The following PTPN9 variants were observed in gnomAD, a reference collection of about 807,000 sequenced individuals.
The protein encoded by PTPN9 is tyrosine-protein phosphatase non-receptor type 9.
A neutral mutation model predicts 69.8 loss-of-function variants in PTPN9; 26 were observed. That is an observed-to-expected ratio of 0.37 (90% CI 0.27 to 0.52). The LOEUF is 0.52. PTPN9 is among the 20% of genes least tolerant of loss of function. PTPN9 has a pLI of 0.91. For missense variants in PTPN9, 549 were observed against 740.3 expected, an observed-to-expected ratio of 0.74 and a Z score of 3.00; for synonymous variants, 274 against 272.5, an observed-to-expected ratio of 1.01 and a Z score of -0.05.
chr15:75,473,906 A>G, intron 9 of PTPN9, 139 bp from the exon 10 acceptor site: 1 of 663,622 alleles, frequency 1.5e-6, no homozygotes, highest in Non-Finnish European at 2.7e-6. Flanking sequence ...CATCCCTGCT[A>G]TTCAGTATAG....
At chr15:75,549,205 AT>A (rs924552604) in intron 1 of PTPN9, among the ~76,000 whole-genome samples, 7 of 151,098 alleles carry the variant, frequency 4.6e-5, no homozygotes, top group Non-Finnish European at 7.4e-5. Flanking sequence ...TTCCAATTTC[AT>A]TTTTTTTTCT....
chr15:75,556,211 C>T (rs2075076599), intron 1 of PTPN9, among the ~76,000 whole-genome samples: 1 of 147,672 alleles, frequency 6.8e-6, no homozygotes, highest in South Asian at 2.1e-4. Flanking sequence ...TTACAGGCGC[C>T]CACCACCACG....
At chr15:75,503,725 GAGTCA>G (rs2074791219) in intron 7 of PTPN9, among the ~76,000 whole-genome samples, 1 of 134,912 alleles carries the variant, frequency 7.4e-6, no homozygotes, top group Non-Finnish European at 1.6e-5. Flanking sequence ...GGAGGTGGGG[GAGTCA>G]GCCCCCAACC....
chr15:75,470,446 G>A (rs1206349191), intron 11 of PTPN9, among the ~76,000 whole-genome samples: 1 of 152,218 alleles, frequency 6.6e-6, no homozygotes, highest in African/African-American at 2.4e-5. Context: ...CTAAGCCATT[G>A]CACCCAGCCC....
At chr15:75,573,006 C>T (rs990665986) in intron 1 of PTPN9, among the ~76,000 whole-genome samples, 8 of 152,144 alleles carry the variant, frequency 5.3e-5, no homozygotes. Context: ...CAAAACCAAA[C>T]ACATATATCA....
chr15:75,547,941 C>T (rs534806500), intron 1 of PTPN9, among the ~76,000 whole-genome samples: 4 of 152,294 alleles, frequency 2.6e-5, no homozygotes, highest in African/African-American at 9.6e-5. Context: ...GCTGGGATTA[C>T]AGGTGTAAGC....
At chr15:75,532,611 T>C (rs1290448507) in intron 1 of PTPN9, among the ~76,000 whole-genome samples, 6 of 152,176 alleles carry the variant, frequency 3.9e-5, no homozygotes, top group Non-Finnish European at 7.4e-5. Context: ...GATGTTATTC[T>C]TGGCTTTAAG....
Position 75,508,974 on chromosome 15 carries a change from C to T in PTPN9, c.582G>A (p.Trp194Ter). 6.2e-7 allele frequency: 1 copy of T among 1,614,138 alleles called. No individual in the cohort carries two copies. Reference sequence around the variant, plus strand: ...TGATGATGGAATAGGGCACTCGGAACCATATGGGTGCCCCCACAATCAGCA... The same window carrying T: ...TGATGATGGAATAGGGCACTCGGAATCATATGGGTGCCCCCACAATCAGCA... ...KKVLIVGAPI[W>*]FRVPYSIISL... The change falls in exon 6 of 13, where the codon TGG becomes TGA. Residue 194 changes from tryptophan (W) to a stop codon, truncating the protein, a stop_gained. Transcript: ENST00000618819. LOFTEE classifies it high-confidence loss of function.
intron 1 of PTPN9, among the ~76,000 whole-genome samples, chr15:75,538,291 A>G (rs2074993868): frequency 6.6e-6 from 1 of 152,202 alleles, no homozygotes; most frequent in South Asian, 2.1e-4. Flanking sequence ...ATTTTTTTCT[A>G]TTAAAGATGA....
At chr15:75,503,264 T>A (rs956330884) in intron 7 of PTPN9, among the ~76,000 whole-genome samples, 4 of 141,372 alleles carry the variant, frequency 2.8e-5, no homozygotes, top group African/African-American at 1.1e-4. Context: ...TCGTCTGAGA[T>A]GTGGGGAGCG....
intron 5 of PTPN9, among the ~76,000 whole-genome samples, chr15:75,509,972 G>A (rs538396118): frequency 1.3e-3 from 191 of 152,126 alleles, no homozygotes; most frequent in African/African-American, 4.2e-3. Flanking sequence ...CGACAAGAGC[G>A]AAACTCCATC....
chr15:75,479,118 C>G (rs1014025350), intron 9 of PTPN9, among the ~76,000 whole-genome samples: 2 of 152,164 alleles, frequency 1.3e-5, no homozygotes, highest in African/African-American at 4.8e-5. Context: ...ACCAGCCTGT[C>G]CAACATGGTG....
chr15:75,511,725 A>G (rs2074846016), intron 5 of PTPN9, among the ~76,000 whole-genome samples: 1 of 152,160 alleles, frequency 6.6e-6, no homozygotes, highest in African/African-American at 2.4e-5. Flanking sequence ...AAGTCACAAT[A>G]TCCTGGGGAA....
At chr15:75,479,296 G>C (rs547899108) in intron 9 of PTPN9, among the ~76,000 whole-genome samples, 27 of 152,136 alleles carry the variant, frequency 1.8e-4, no homozygotes, top group African/African-American at 6.5e-4. Context: ...GACACAGCAA[G>C]CCTCCATTTC....
chr15:75,548,456 A>C (rs990588817), intron 1 of PTPN9, among the ~76,000 whole-genome samples: 19 of 150,956 alleles, frequency 1.3e-4, no homozygotes, highest in Admixed American at 6.6e-5. Context: ...GGGTTTTGCC[A>C]TGTTGGCCAG....
chr15:75,501,042 TCTC>T (rs918585468), intron 7 of PTPN9, among the ~76,000 whole-genome samples: 20 of 152,286 alleles, frequency 1.3e-4, no homozygotes, highest in African/African-American at 4.8e-4. Context: ...GTCCCCTTTT[TCTC>T]CTCTTATTTT....
rs145516830 is a variant in PTPN9 at position 75,492,979 on chromosome 15, C to A, written c.969-2678G>T. Among the ~76,000 whole-genome samples, 16 of 152,044 alleles carry A rather than the reference C, an allele frequency of 1.1e-4. No individual in the cohort carries two copies. In the East Asian group the frequency reaches 1.2e-3, roughly 11 times the overall value. ...GACCAGCCTGGGCAACATAGCAAGA[C>A]CTTGTCTCTACTAAAAATTAAAAAA... On this transcript the variant is annotated intron_variant, in intron 7 of 12. Coordinates refer to ENST00000618819, the MANE Select transcript of PTPN9 (RefSeq NM_002833.4).
chr15:75,550,979 A>C (rs764317812), intron 1 of PTPN9, among the ~76,000 whole-genome samples: 4 of 152,184 alleles, frequency 2.6e-5, no homozygotes, highest in Non-Finnish European at 4.4e-5. Context: ...AAAGCCTGGA[A>C]GGAGAGAGAC....
At chr15:75,556,567 A>G (rs1409639978) in intron 1 of PTPN9, among the ~76,000 whole-genome samples, 1 of 150,788 alleles carries the variant, frequency 6.6e-6, no homozygotes, top group African/African-American at 2.4e-5. Context: ...TTGTAGAGAC[A>G]GAGTTTTGCC....
Sources: allele counts gnomAD v4.1 joint callset (sites outside exome capture counted in the v4.1 genomes callset), GRCh38; gene constraint gnomAD v4.1.1; transcripts MANE v1.5; gene names NCBI Gene and HGNC (gene_info 2026-07-23, HGNC 2026-07-21).